Variants in PPP4R1 observed in about 807,000 individuals in gnomAD.
The protein encoded by PPP4R1 is serine/threonine-protein phosphatase 4 regulatory subunit 1.
PPP4R1 carries 42 observed loss-of-function variants against 111.2 expected under a neutral mutation model. The ratio of observed to expected loss-of-function variants is 0.38; its 90% CI spans 0.29 to 0.49. The LOEUF is 0.49. PPP4R1 is among the 20% of genes least tolerant of loss of function. The pLI is 0.97. For synonymous variants in PPP4R1, 409 were observed against 405.5 expected (o/e 1.01, Z -0.10); for missense variants, 1,012 against 1,161.6 (o/e 0.87, Z 1.87).
Position 9,549,134 on chromosome 18 carries a change from C to T in PPP4R1, c.2689+63G>A, listed in dbSNP as rs998099737. ...TACTTCTGCTTTGATATCTGCTGAT[C>T]CAGTGCAGTCCACAGACCTCCTTCT... On this transcript the variant is annotated intron_variant, in intron 19 of 19. Transcript: ENST00000400556. 3.9e-6 allele frequency: 6 copies of T among 1,556,324 alleles called. No homozygotes were observed. The East Asian group carries it at 6.8e-5, about 18-fold the overall frequency.
intron 2 of PPP4R1, among the ~76,000 whole-genome samples, chr18:9,609,052 GTCTCTC>G (rs113826727): frequency 1.3e-5 from 2 of 151,186 alleles, no homozygotes; most frequent in South Asian, 2.1e-4. Flanking sequence ...TTTTCTCTCT[GTCTCTC>G]TCTCTCTCTC....
Position 9,593,834 on chromosome 18 carries a change from C to A in PPP4R1, c.229G>T (p.Val77Phe). ...ATACAATCTCTTTCATCATCGCAGA[C>A]TTCCCTCAAGGTATCGAGCAAACTC... ...ARSLLDTLRE[V>F]CDDERDCIAV... The change falls in exon 4 of 20, where the codon GTC (valine) becomes TTC (phenylalanine). Residue 77 changes from valine to phenylalanine, a missense_variant. By Grantham distance (50) the Val-to-Phe change is conservative. Transcript: ENST00000400556. 2 of 1,613,854 alleles carry A rather than the reference C, an allele frequency of 1.2e-6. No individual in the cohort carries two copies. The highest frequency in any genetic ancestry group is 8.5e-7 in the Non-Finnish European group (1 of 1,179,908).
intron 14 of PPP4R1, among the ~76,000 whole-genome samples, chr18:9,557,591 C>A (rs2066607963): frequency 6.6e-6 from 1 of 152,264 alleles, no homozygotes; most frequent in Non-Finnish European, 1.5e-5. Flanking sequence ...GTATTATCTT[C>A]CTTTCATTTA....
Position 9,614,248 on chromosome 18 carries a change from G to C in PPP4R1, c.30C>G (p.Asp10Glu). Reference protein sequence around the residue: MADLSLLQEDLQEDADGFGV... With the variant: MADLSLLQEELQEDADGFGV... Reference sequence around the variant, plus strand: ...CACATCCGTCTGCGTCCTCCTGCAGGTCCTCCTGAAGCAGCGAGAGGTCTG... The same window carrying C: ...CACATCCGTCTGCGTCCTCCTGCAGCTCCTCCTGAAGCAGCGAGAGGTCTG... Residue 10 changes from aspartate to glutamate, a missense_variant, in exon 2 of 20, where the codon GAC (aspartate) becomes GAG (glutamate). Around this residue, in one of 2 missense-constraint regions of PPP4R1, gnomAD observed 707 missense variants for 742.1 expected, o/e 0.95. Coordinates refer to ENST00000400556, the MANE Select transcript of PPP4R1 (RefSeq NM_001042388.3). The surrounding 1 kb of genome is among the most constrained non-coding windows in gnomAD (Gnocchi z 4.1). 1 of 1,360,320 alleles carries C rather than the reference G, an allele frequency of 7.4e-7. No homozygotes were observed. Among genetic ancestry groups the C allele is most frequent in the Non-Finnish European group, 9.6e-7 (1 of 1,043,454 alleles). 84.3% of individuals were successfully genotyped at this position (1,360,320 alleles called of 1,614,324 possible).
At chr18:9,578,327 C>T (rs1030059823) in intron 9 of PPP4R1, among the ~76,000 whole-genome samples, 6 of 152,192 alleles carry the variant, frequency 3.9e-5, no homozygotes, top group African/African-American at 7.2e-5. Flanking sequence ...CCTCAAAATC[C>T]TTGGCTTAAG....
rs546161259 is a variant in PPP4R1, at chr18:9,587,133, T to C, written c.585+956A>G. On this transcript the variant is annotated intron_variant, in intron 6 of 19. Transcript: ENST00000400556. Reference sequence around the variant, plus strand: ...TGTGCTTACACAGTGCCTAGAAAAGTGTTCAATACCTACTGAAGGGGTTCA... The same window carrying C: ...TGTGCTTACACAGTGCCTAGAAAAGCGTTCAATACCTACTGAAGGGGTTCA... Among the ~76,000 whole-genome samples the C allele has an allele frequency of 2.6e-5, 4 of 152,328 alleles. No individual in the cohort carries two copies. The South Asian group carries it at 8.3e-4, about 32-fold the overall frequency.
At chr18:9,567,753 T>C (rs566718926) in intron 11 of PPP4R1, among the ~76,000 whole-genome samples, 6 of 152,310 alleles carry the variant, frequency 3.9e-5, no homozygotes, top group South Asian at 2.1e-4. Flanking sequence ...TAGCTATGGA[T>C]ACATCTTTCA....
intron 12 of PPP4R1, among the ~76,000 whole-genome samples, chr18:9,562,308 A>C (rs931010674): frequency 6.6e-6 from 1 of 152,236 alleles, no homozygotes; most frequent in Non-Finnish European, 1.5e-5. Context: ...AGTAATTAAA[A>C]ACAATATTTG....
At chr18:9,559,739 G>T in intron 13 of PPP4R1, 135 bp from the exon 14 acceptor site, 3 of 559,764 alleles carry the variant, frequency 5.4e-6, no homozygotes, top group Middle Eastern at 4.1e-4. Context: ...AAAAACCAAT[G>T]TCAAATGTTC....
At chr18:9,549,108 A>C in intron 19 of PPP4R1, 89 bp downstream of exon 19, 1 of 1,451,428 alleles carries the variant, frequency 6.9e-7, no homozygotes. Flanking sequence ...TGAGCAGACA[A>C]TACTTCTGCT....
At chr18:9,613,861 G>A (rs1409488584) in intron 2 of PPP4R1, 1 of 163,034 alleles carries the variant, frequency 6.1e-6, no homozygotes, top group African/African-American at 2.4e-5. Context: ...ACGGGGGAAG[G>A]GGACACCAGG....
At chr18:9,599,476 G>A (rs2067344948) in intron 2 of PPP4R1, among the ~76,000 whole-genome samples, 1 of 152,134 alleles carries the variant, frequency 6.6e-6, no homozygotes, top group Non-Finnish European at 1.5e-5. Context: ...AAGATAAAGA[G>A]ATTTAAACAC....
rs138223693 is a variant in PPP4R1, at chr18:9,563,621, T to C, written c.1574-71A>G. Reference sequence around the variant, plus strand: ...AATATTCTTACAAGGCTGTTCTCCATTTGCACTGTACGTTATCAATGAAAT... The same window carrying C: ...AATATTCTTACAAGGCTGTTCTCCACTTGCACTGTACGTTATCAATGAAAT... On this transcript the variant is annotated intron_variant, in intron 11 of 19. Coordinates refer to ENST00000400556, the MANE Select transcript of PPP4R1 (RefSeq NM_001042388.3). 6.2e-4 allele frequency: 838 copies of C among 1,358,086 alleles called. 2 individuals carry two copies. In the East Asian group the frequency reaches 0.01, roughly 17 times the overall value. 84.1% of individuals were successfully genotyped at this position (1,358,086 alleles called of 1,614,324 possible).
chr18:9,567,491 T>C (rs2066787943), intron 11 of PPP4R1, among the ~76,000 whole-genome samples: 1 of 152,192 alleles, frequency 6.6e-6, no homozygotes, highest in Non-Finnish European at 1.5e-5. Context: ...CAGTTGGGAT[T>C]ACAGGCACAT....
At chr18:9,600,570 T>C (rs1250094807) in intron 2 of PPP4R1, among the ~76,000 whole-genome samples, 4 of 152,062 alleles carry the variant, frequency 2.6e-5, no homozygotes, top group Non-Finnish European at 5.9e-5. Context: ...TAACACAAAA[T>C]AGTAAGCATA....
intron 19 of PPP4R1, among the ~76,000 whole-genome samples, chr18:9,548,198 T>C (rs2066429172): frequency 6.6e-6 from 1 of 150,828 alleles, no homozygotes; most frequent in Non-Finnish European, 1.5e-5. Flanking sequence ...AGCTAAGGAA[T>C]ATTAAATTAA....
At chr18:9,564,932 C>G (rs1370504333) in intron 11 of PPP4R1, among the ~76,000 whole-genome samples, 1 of 151,782 alleles carries the variant, frequency 6.6e-6, no homozygotes, top group Non-Finnish European at 1.5e-5. Context: ...AAGCACTGAA[C>G]CCCTGGGCTC....
At chr18:9,572,220 C>A (rs1280970595) in intron 10 of PPP4R1, among the ~76,000 whole-genome samples, 1 of 152,060 alleles carries the variant, frequency 6.6e-6, no homozygotes, top group Non-Finnish European at 1.5e-5. Flanking sequence ...TGGAGGTCAT[C>A]AACTCAGAAA....
rs565665184 is a variant in PPP4R1 at position 9,608,079 on chromosome 18, G to A, written c.52+6147C>T. Among the ~76,000 whole-genome samples, 13 of 152,060 alleles carry A rather than the reference G, an allele frequency of 8.5e-5. 1 individual carries two copies. The highest frequency in any genetic ancestry group is 1.3e-4 in the Non-Finnish European group (9 of 67,970). The stretch of plus-strand genomic sequence containing the variant: ...GATTACAGGCATAAGCCACCGCACC[G>A]GGCTGGCAGTTTCTTAAAAAGTTAA... On this transcript the variant is annotated intron_variant, in intron 2 of 19. Transcript: ENST00000400556.
Sources: allele counts gnomAD v4.1 joint callset (sites outside exome capture counted in the v4.1 genomes callset), GRCh38; gene constraint gnomAD v4.1.1; regional missense constraint gnomAD v4.1.1; non-coding constraint Gnocchi (gnomAD v3.1); transcripts MANE v1.5; gene names NCBI Gene and HGNC (gene_info 2026-07-23, HGNC 2026-07-21).